The following VHL variants were observed in gnomAD, a reference collection of about 807,000 sequenced individuals.
The protein encoded by VHL is von Hippel-Lindau tumor suppressor.
In VHL, 10 loss-of-function variants were observed where a neutral mutation model predicts 19.2. That is an observed-to-expected ratio of 0.52 (90% confidence interval 0.32 to 0.89). VHL has a LOEUF of 0.89. Ranked by LOEUF, VHL falls within the 40% of genes least tolerant of loss-of-function variation. VHL has a pLI of 0.03. For missense variants in VHL, 328 were observed against 292.7 expected (o/e 1.12, Z -0.88); for synonymous variants, 167 against 129.5 (o/e 1.29, Z -1.97).
At position 10,141,788 on chromosome 3, in the gene VHL, C is replaced by T. The variant is rs1696108470; in HGVS notation, c.-60C>T. 1 of 1,526,394 alleles carries T rather than the reference C, an allele frequency of 6.6e-7. No homozygotes were observed. Among genetic ancestry groups the T allele is most frequent in the Non-Finnish European group, 8.8e-7 (1 of 1,131,520 alleles). 94.6% of individuals were successfully genotyped at this position (1,526,394 alleles called of 1,614,324 possible). A position where few individuals can be genotyped will look rare whatever the true frequency, so the allele number is the denominator to read the frequency against. On this transcript the variant is annotated 5_prime_UTR_variant, in exon 1 of 3. Coordinates refer to ENST00000256474, the MANE Select transcript of VHL (RefSeq NM_000551.4). ...CTCGGGAGCGCGCACGCAGCTCCGCCCCGCGTCCGACCCGCGGATCCCGCG... is the reference window on the plus strand; with the variant it reads ...CTCGGGAGCGCGCACGCAGCTCCGCTCCGCGTCCGACCCGCGGATCCCGCG...
At chr3:10,143,782 A>G (rs1022700960) in intron 1 of VHL, among the ~76,000 whole-genome samples, 8 of 152,144 alleles carry the variant, frequency 5.3e-5, no homozygotes, top group African/African-American at 1.9e-4. Context: ...GGGACATGAC[A>G]TTGTCAGATT....
rs1475949189 is a variant in VHL, at chr3:10,148,682, C to T, written c.464-1105C>T. 6.3e-3 allele frequency among the ~76,000 whole-genome samples: 870 copies of T among 138,932 alleles called. 18 individuals carry two copies. Among genetic ancestry groups the T allele is most frequent in the African/African-American group, 0.021 (798 of 37,138 alleles). The allele number at this position is 138,932 out of a possible 152,430, so 91.1% of individuals were successfully genotyped here. A position where few individuals can be genotyped will look rare whatever the true frequency, so the allele number is the denominator to read the frequency against. ...CTACCACCCCAAAACTAATAACCAC[C>T]TTTTTTTTTTTTTTGAGACAGAGTC... On this transcript the variant is annotated intron_variant, in intron 2 of 2. Coordinates refer to ENST00000256474, the MANE Select transcript of VHL (RefSeq NM_000551.4).
chr3:10,147,179 T>A (rs1696281983), intron 2 of VHL, among the ~76,000 whole-genome samples: 1 of 151,538 alleles, frequency 6.6e-6, no homozygotes, highest in African/African-American at 2.4e-5. Flanking sequence ...CTCTGATAAT[T>A]TTTTGTATTT....
In VHL at chr3:10,153,034, T is replaced by C. The variant is rs950753491; in HGVS notation, c.*3069T>C. On this transcript the variant is annotated 3_prime_UTR_variant, in exon 3 of 3. Coordinates refer to ENST00000256474, the MANE Select transcript of VHL (RefSeq NM_000551.4). ...GCTCATGCCTGTAATCCCAGCACTT[T>C]GGGAGGCCTAGGCGGGTGGATCACG... Among the ~76,000 whole-genome samples the C allele has an allele frequency of 6.6e-6, 1 of 151,860 alleles. No individual in the cohort carries two copies. The highest frequency in any genetic ancestry group is 1.5e-5 in the Non-Finnish European group (1 of 67,952).
Position 10,150,420 on chromosome 3 carries a change from C to A in VHL, c.*455C>A. The A allele has an allele frequency of 8.8e-7, 1 of 1,133,236 alleles. No individual in the cohort carries two copies. The highest frequency in any genetic ancestry group is 2.3e-5 in the South Asian group (1 of 44,332). The allele number at this position is 1,133,236 out of a possible 1,614,324, so 70.2% of individuals were successfully genotyped here. On this transcript the variant is annotated 3_prime_UTR_variant, in exon 3 of 3. Coordinates refer to ENST00000256474, the MANE Select transcript of VHL (RefSeq NM_000551.4). ...GACTGAGGCATCCGTGAGGCAGGGA[C>A]AAGTCTTTCTCCTCTTTGAGACCCC...
chr3:10,144,176 A>T (rs1157747439), intron 1 of VHL, among the ~76,000 whole-genome samples: 5 of 152,088 alleles, frequency 3.3e-5, no homozygotes, highest in Non-Finnish European at 7.3e-5. Context: ...TAATATAAAA[A>T]TTTACTGAGC....
At chr3:10,147,525 T>G (rs1696292328) in intron 2 of VHL, among the ~76,000 whole-genome samples, 1 of 151,844 alleles carries the variant, frequency 6.6e-6, no homozygotes, top group African/African-American at 2.4e-5. Context: ...TCACCACACC[T>G]GGCTAATTTT....
In VHL at chr3:10,153,601, GTTTT is replaced by G. The variant is rs67891117; in HGVS notation, c.*3656_*3659del. On this transcript the variant is annotated 3_prime_UTR_variant, in exon 3 of 3. Coordinates refer to ENST00000256474, the MANE Select transcript of VHL (RefSeq NM_000551.4). ...AGAGACGGTGAAGTTCCTATTTCAA[GTTTT>G]TTTTTTTTTTTTTTTTTTTAAAGCT... 7.1e-4 allele frequency among the ~76,000 whole-genome samples: 20 copies of G among 28,098 alleles called. No individual in the cohort carries two copies. Among genetic ancestry groups the G allele is most frequent in the Non-Finnish European group, 9.1e-4 (14 of 15,456 alleles). The allele number at this position is 28,098 out of a possible 152,430, so 18.4% of individuals were successfully genotyped here. A position where few individuals can be genotyped will look rare whatever the true frequency, so the allele number is the denominator to read the frequency against.
rs141992155 is a variant in VHL, at chr3:10,150,184, G to C, written c.*219G>C. 89 of 1,409,666 alleles carry C rather than the reference G, an allele frequency of 6.3e-5. 2 individuals are homozygous for C. The South Asian group carries it at 8.5e-4, about 14-fold the overall frequency. The allele number at this position is 1,409,666 out of a possible 1,614,324, so 87.3% of individuals were successfully genotyped here. A position where few individuals can be genotyped will look rare whatever the true frequency, so the allele number is the denominator to read the frequency against. On this transcript the variant is annotated 3_prime_UTR_variant, in exon 3 of 3. Coordinates refer to ENST00000256474, the MANE Select transcript of VHL (RefSeq NM_000551.4). The stretch of plus-strand genomic sequence containing the variant: ...TGTAATTTAATGCCTGCCCATTAGA[G>C]AAGTATTTATCAGGAGAAGGTGGTG...
chr3:10,144,752 T>C (rs888338865), intron 1 of VHL, among the ~76,000 whole-genome samples: 4 of 152,074 alleles, frequency 2.6e-5, no homozygotes, highest in African/African-American at 9.7e-5. Context: ...TCATCTCTTT[T>C]TTATTTTTTT....
rs1575928079 is a variant in VHL at position 10,146,610 on chromosome 3, C to G, written c.437C>G (p.Pro146Arg). 6.2e-7 allele frequency: 1 copy of G among 1,613,960 alleles called. No individual in the cohort carries two copies. The highest frequency in any genetic ancestry group is 8.5e-7 in the Non-Finnish European group (1 of 1,179,906). The change falls in exon 2 of 3, where the codon CCT becomes CGT. Residue 146 changes from proline to arginine, a missense_variant. Pro to Arg is a moderately radical substitution (Grantham distance 103). Transcript: ENST00000256474. ...CCATCTCTCAATGTTGACGGACAGC[C>G]TATTTTTGCCAATATCACACTGCCA... Reference protein sequence around the residue: ...FVPSLNVDGQPIFANITLPVY... With the variant: ...FVPSLNVDGQRIFANITLPVY...
chr3:10,145,898 A>G (rs1377980067), intron 1 of VHL, among the ~76,000 whole-genome samples: 1 of 152,026 alleles, frequency 6.6e-6, no homozygotes, highest in Non-Finnish European at 1.5e-5. Flanking sequence ...GTAATCACGT[A>G]CTTGACCTAG....
chr3:10,145,245 A>T (rs1696226909), intron 1 of VHL, among the ~76,000 whole-genome samples: 1 of 152,128 alleles, frequency 6.6e-6, no homozygotes, highest in Non-Finnish European at 1.5e-5. Flanking sequence ...AAAATTTAAA[A>T]AATTACAAGT....
rs946136114 is a variant in VHL at position 10,141,820 on chromosome 3, G to T, written c.-28G>T. On this transcript the variant is annotated 5_prime_UTR_variant, in exon 1 of 3. Coordinates refer to ENST00000256474, the MANE Select transcript of VHL (RefSeq NM_000551.4). Reference sequence around the variant, plus strand: ...CCGACCCGCGGATCCCGCGGCGTCCGGCCCGGGTGGTCTGGATCGCGGAGG... The same window carrying T: ...CCGACCCGCGGATCCCGCGGCGTCCTGCCCGGGTGGTCTGGATCGCGGAGG... 6.5e-7 allele frequency: 1 copy of T among 1,536,056 alleles called. No individual in the cohort carries two copies. The highest frequency in any genetic ancestry group is 8.8e-7 in the Non-Finnish European group (1 of 1,141,010).
At chr3:10,146,406 C>G (rs1696257198) in intron 1 of VHL, 108 bp from the exon 2 acceptor site, 4 of 1,451,344 alleles carry the variant, frequency 2.8e-6, no homozygotes, top group Admixed American at 3.4e-5. Context: ...GATCTCCTGA[C>G]CTCATGATCC....
chr3:10,148,394 A>G (rs1376426122), intron 2 of VHL, among the ~76,000 whole-genome samples: 19 of 141,882 alleles, frequency 1.3e-4, no homozygotes, highest in Admixed American at 5.7e-4. Context: ...GGCTCACTGC[A>G]AGCTCCGCCT....
In VHL at chr3:10,153,458, A is replaced by AG. The variant is rs886057758; in HGVS notation, c.*3493_*3494insG. On this transcript the variant is annotated 3_prime_UTR_variant, in exon 3 of 3. Coordinates refer to ENST00000256474, the MANE Select transcript of VHL (RefSeq NM_000551.4). Reference sequence around the variant, plus strand: ...AAGAAACCAAAAAAACAAAAAAAAAACATGCCGTTTGAGTACTGTGTTTTT... The same window carrying AG: ...AAGAAACCAAAAAAACAAAAAAAAAAGCATGCCGTTTGAGTACTGTGTTTTT... Among the ~76,000 whole-genome samples the AG allele has an allele frequency of 6.6e-6, 1 of 152,000 alleles. No individual in the cohort carries two copies. The highest frequency in any genetic ancestry group is 1.5e-5 in the Non-Finnish European group (1 of 67,996).
chr3:10,147,372 T>TA (rs1696287470), intron 2 of VHL, among the ~76,000 whole-genome samples: 3 of 55,418 alleles, frequency 5.4e-5, no homozygotes, highest in Admixed American at 1.8e-4. Context: ...TTTTTTTTTT[T>TA]TATTTTTATT....
At chr3:10,147,500 G>T (rs949144978) in intron 2 of VHL, among the ~76,000 whole-genome samples, 1 of 151,798 alleles carries the variant, frequency 6.6e-6, no homozygotes, top group South Asian at 2.1e-4. Flanking sequence ...GGGTAGCTGG[G>T]GTTATAGGTG....
Sources: gnomAD v4.1 joint callset for allele counts (sites outside exome capture counted in the v4.1 genomes callset) on GRCh38, gnomAD v4.1.1 for gene constraint, MANE v1.5 for transcripts, NCBI Gene and HGNC (gene_info 2026-07-23, HGNC 2026-07-21) for gene names.